TRAPPC9: variants seen among roughly 807,000 people sequenced by gnomAD.
TRAPPC9 encodes the protein IKK2 binding protein.
Under a neutral mutation model 124.0 loss-of-function variants are expected in TRAPPC9, and 83 were observed. That is an observed-to-expected ratio of 0.67 (90% CI 0.56 to 0.80). The LOEUF is 0.80. TRAPPC9 is among the 30% of genes least tolerant of loss of function. The pLI, the probability that TRAPPC9 is intolerant of heterozygous loss-of-function variation, is 0.00. For missense variants in TRAPPC9, 1,302 were observed against 1,508.3 expected (o/e 0.86, Z 2.27); for synonymous variants, 638 against 617.5 (o/e 1.03, Z -0.49).
At chr8:139,826,972 GA>G (rs947509250) in intron 21 of TRAPPC9, among the ~76,000 whole-genome samples, 3 of 152,198 alleles carry the variant, frequency 2.0e-5, no homozygotes, top group African/African-American at 7.2e-5. Context: ...TGTGATCAAA[GA>G]AGGGACAGAC....
intron 7 of TRAPPC9, among the ~76,000 whole-genome samples, chr8:140,396,034 G>A (rs2069085174): frequency 6.6e-6 from 1 of 151,828 alleles, no homozygotes; most frequent in African/African-American, 2.4e-5. Context: ...TGTCAGCACT[G>A]CTCGCCTGGG....
At chr8:140,082,843 T>C (rs1299191534) in intron 17 of TRAPPC9, among the ~76,000 whole-genome samples, 1 of 152,200 alleles carries the variant, frequency 6.6e-6, no homozygotes, top group Non-Finnish European at 1.5e-5. Flanking sequence ...GCTGGTCACG[T>C]TGACTTGGGA....
Position 140,432,045 on chromosome 8 carries a change from T to C in TRAPPC9, c.859+3067A>G, listed in dbSNP as rs182764443. ...AGGTATCCAAATATAATGGGCATAG[T>C]GCTATTCTAAAGCATTAAACAACAA... On this transcript the variant is annotated intron_variant, in intron 4 of 22. Transcript: ENST00000438773. Among the ~76,000 whole-genome samples, 12 of 152,322 alleles carry C rather than the reference T, an allele frequency of 7.9e-5. No homozygotes were observed. The East Asian group carries it at 1.7e-3, about 22-fold the overall frequency.
At chr8:139,905,127 C>T (rs1831268266) in intron 20 of TRAPPC9, among the ~76,000 whole-genome samples, 1 of 152,138 alleles carries the variant, frequency 6.6e-6, no homozygotes, top group Admixed American at 6.5e-5. Flanking sequence ...AGCAAATAAG[C>T]CCAGCTCTCT....
At position 140,257,514 on chromosome 8, in the gene TRAPPC9, T is replaced by G. The variant is rs2064297131; in HGVS notation, c.2279-4585A>C. 6.6e-6 allele frequency among the ~76,000 whole-genome samples: 1 copy of G among 152,164 alleles called. No individual in the cohort carries two copies. The highest frequency in any genetic ancestry group is 2.1e-4 in the South Asian group (1 of 4,828). On this transcript the variant is annotated intron_variant, in intron 15 of 22. Transcript: ENST00000438773. This position sits in a 1 kb window ranked among gnomAD's most constrained non-coding sequence, Gnocchi z 4.6. ...CCCAGGAGTGGGAAAAAGGACCCCG[T>G]GCCATGCGAGCGCACAGGGGAGGGA...
At chr8:140,189,782 A>G (rs1429472242) in intron 17 of TRAPPC9, among the ~76,000 whole-genome samples, 1 of 152,094 alleles carries the variant, frequency 6.6e-6, no homozygotes, top group Non-Finnish European at 1.5e-5. Flanking sequence ...TTTGCTTCGC[A>G]TTTGCAGCTC....
intron 21 of TRAPPC9, among the ~76,000 whole-genome samples, chr8:139,799,960 G>C (rs1823359352): frequency 6.6e-6 from 1 of 152,246 alleles, no homozygotes; most frequent in South Asian, 2.1e-4. Context: ...GGGCCCAGAG[G>C]GCAGCAGCTG....
chr8:140,107,022 A>G (rs1000993184), intron 17 of TRAPPC9, among the ~76,000 whole-genome samples: 1 of 152,208 alleles, frequency 6.6e-6, no homozygotes, highest in Non-Finnish European at 1.5e-5. Flanking sequence ...AAGAACCTCC[A>G]GACATAGAGA....
chr8:140,335,266 T>C (rs1444640228), intron 9 of TRAPPC9, among the ~76,000 whole-genome samples: 1 of 152,178 alleles, frequency 6.6e-6, no homozygotes, highest in Non-Finnish European at 1.5e-5. Flanking sequence ...AGGACCATGA[T>C]GTCAAGAGTC....
chr8:139,990,915 A>G lies in TRAPPC9; in HGVS notation c.2700-2079T>C, dbSNP rs78436287. On this transcript the variant is annotated intron_variant, in intron 18 of 22. Coordinates refer to ENST00000438773, the MANE Select transcript of TRAPPC9 (RefSeq NM_001160372.4). The stretch of plus-strand genomic sequence containing the variant: ...TGTCACCATTTATATCATGTAGCAC[A>G]GCGTCAACAGGGTGCCGCACACCTT... Among the ~76,000 whole-genome samples the G allele has an allele frequency of 3.4e-3, 512 of 152,276 alleles. 22 individuals are homozygous for G. The East Asian group carries it at 0.09, about 27-fold the overall frequency.
At chr8:139,801,871 T>G (rs1328067694) in intron 21 of TRAPPC9, among the ~76,000 whole-genome samples, 1 of 152,204 alleles carries the variant, frequency 6.6e-6, no homozygotes, top group Non-Finnish European at 1.5e-5. Context: ...GTCAACAATC[T>G]GCGCCTCTCG....
chr8:140,145,259 T>C (rs1156823709), intron 17 of TRAPPC9, among the ~76,000 whole-genome samples: 1 of 151,770 alleles, frequency 6.6e-6, no homozygotes, highest in African/African-American at 2.4e-5. Context: ...ATAAGGACAG[T>C]ATTGTTTCTT....
chr8:139,989,135 G>A (rs986451663), intron 18 of TRAPPC9, among the ~76,000 whole-genome samples: 2 of 152,148 alleles, frequency 1.3e-5, no homozygotes, highest in African/African-American at 2.4e-5. Context: ...AAGGTAACCC[G>A]AATTCTCCAA....
chr8:140,060,680 C>A lies in TRAPPC9; in HGVS notation c.2557-36601G>T, dbSNP rs116081799. On this transcript the variant is annotated intron_variant, in intron 17 of 22. Transcript: ENST00000438773. ...TTGGCTTCTCTGCCCTCAGAGACCA[C>A]AGTGCTGTGCTGGGTGGGTTTTGGT... Among the ~76,000 whole-genome samples the A allele has an allele frequency of 9.9e-3, 1,510 of 152,074 alleles. 34 individuals carry two copies. The highest frequency in any genetic ancestry group is 0.034 in the African/African-American group (1,410 of 41,460).
At chr8:139,938,120 A>G (rs747709473) in intron 19 of TRAPPC9, among the ~76,000 whole-genome samples, 1 of 152,220 alleles carries the variant, frequency 6.6e-6, no homozygotes, top group Non-Finnish European at 1.5e-5. Flanking sequence ...GATAAGAAAT[A>G]CATTCCTGCA....
Position 140,087,401 on chromosome 8 carries a change from G to A in TRAPPC9, c.2557-63322C>T, listed in dbSNP as rs1260336504. On this transcript the variant is annotated intron_variant, in intron 17 of 22. Coordinates refer to ENST00000438773, the MANE Select transcript of TRAPPC9 (RefSeq NM_001160372.4). This position sits in a 1 kb window ranked among gnomAD's most constrained non-coding sequence, Gnocchi z 4.6. ...CTCTCACACTTCTCCCTCCAGCCCA[G>A]ACCTCTCCCTGGAGCACAGATGGAA... Among the ~76,000 whole-genome samples the A allele has an allele frequency of 6.6e-6, 1 of 152,126 alleles. No individual in the cohort carries two copies. Among genetic ancestry groups the A allele is most frequent in the Non-Finnish European group, 1.5e-5 (1 of 68,032 alleles).
At chr8:140,192,325 C>T (rs181590177) in intron 17 of TRAPPC9, among the ~76,000 whole-genome samples, 1 of 152,356 alleles carries the variant, frequency 6.6e-6, no homozygotes, top group East Asian at 1.9e-4. Flanking sequence ...TCCCCACAGC[C>T]ATGCTAGAGT....
At chr8:140,207,883 T>C (rs1022301382) in intron 17 of TRAPPC9, among the ~76,000 whole-genome samples, 6 of 152,226 alleles carry the variant, frequency 3.9e-5, no homozygotes. Context: ...CTGGGCACAG[T>C]GGCTCATGCC....
intron 9 of TRAPPC9, among the ~76,000 whole-genome samples, chr8:140,346,709 G>A (rs1199470260): frequency 6.6e-6 from 1 of 152,196 alleles, no homozygotes; most frequent in East Asian, 1.9e-4. Context: ...ACACCTGTAA[G>A]GATGGACTTG....
Sources: gnomAD v4.1 joint callset for allele counts (sites outside exome capture counted in the v4.1 genomes callset) on GRCh38, gnomAD v4.1.1 for gene constraint, Gnocchi (gnomAD v3.1) non-coding constraint, MANE v1.5 for transcripts, NCBI Gene and HGNC (gene_info 2026-07-23, HGNC 2026-07-21) for gene names.